CHRNA7: variants seen among roughly 807,000 people sequenced by gnomAD.
CHRNA7 encodes cholinergic receptor nicotinic alpha 7 subunit, also known as neuronal acetylcholine receptor subunit alpha-7.
In CHRNA7, 17 loss-of-function variants were observed where a neutral mutation model predicts 48.0. The observed-to-expected ratio is 0.35, with a 90% CI of 0.24 to 0.53. CHRNA7 has a LOEUF of 0.53. Among genes scored for constraint, CHRNA7 ranks in the 20% least tolerant of loss-of-function variants. The pLI, the probability that CHRNA7 is intolerant of heterozygous loss-of-function variation, is 0.92. For missense variants in CHRNA7, 155 were observed against 577.7 expected (o/e 0.27, Z 7.50); for synonymous variants, 75 against 242.3 (o/e 0.31, Z 6.41).
At chr15:32,107,313 A>G (rs2050686965) in intron 3 of CHRNA7, among the ~76,000 whole-genome samples, 6 of 152,110 alleles carry the variant, frequency 3.9e-5, no homozygotes, top group Admixed American at 3.9e-4. Flanking sequence ...CCACATGTCT[A>G]GCAGGTGACT....
At chr15:32,134,312 C>G (rs2051208387) in intron 4 of CHRNA7, among the ~76,000 whole-genome samples, 1 of 152,152 alleles carries the variant, frequency 6.6e-6, no homozygotes, top group Non-Finnish European at 1.5e-5. Flanking sequence ...GTGCCCACCA[C>G]CATTCCCGGC....
chr15:32,084,783 TGCCTGCACG>T (rs1472906155), intron 2 of CHRNA7, among the ~76,000 whole-genome samples: 1 of 151,240 alleles, frequency 6.6e-6, no homozygotes, highest in Non-Finnish European at 1.5e-5. Context: ...AGGCTGGCGC[TGCCTGCACG>T]GCCTGCACTC....
intron 2 of CHRNA7, chr15:32,101,099 A>G (rs1197624395): frequency 1.9e-6 from 1 of 535,880 alleles, no homozygotes; most frequent in Non-Finnish European, 3.2e-6. Context: ...TAAGTGCTGT[A>G]TAATAAATGT....
At position 32,101,439 on chromosome 15, in the gene CHRNA7, G is replaced by A. The variant is rs796490859; in HGVS notation, c.240+92G>A. On this transcript the variant is annotated intron_variant, in intron 3 of 9. Transcript: ENST00000306901. ...ATACCTGAGATGCTTGCTTCTGAGAGGTCCTGTTTAGGAAAAAAAACCAAA... is the reference window on the plus strand; with the variant it reads ...ATACCTGAGATGCTTGCTTCTGAGAAGTCCTGTTTAGGAAAAAAAACCAAA... 112 of 1,403,494 alleles carry A rather than the reference G, an allele frequency of 8.0e-5. No homozygotes were observed. The South Asian group carries it at 1.4e-3, about 18-fold the overall frequency. The allele number at this position is 1,403,494 out of a possible 1,614,324, so 86.9% of individuals were successfully genotyped here.
At chr15:32,070,426 C>G (rs534056096) in intron 2 of CHRNA7, among the ~76,000 whole-genome samples, 1 of 152,098 alleles carries the variant, frequency 6.6e-6, no homozygotes, top group South Asian at 2.1e-4. Context: ...AGAGTGGTTT[C>G]CAATACTCTT....
At chr15:32,060,864 C>T (rs1056777986) in intron 2 of CHRNA7, among the ~76,000 whole-genome samples, 183 of 152,240 alleles carry the variant, frequency 1.2e-3, no homozygotes, top group African/African-American at 4.3e-3. Flanking sequence ...CACTGAGGTG[C>T]GATGGCATTG....
Position 32,149,927 on chromosome 15 carries a change from T to C in CHRNA7, c.351-3980T>C, listed in dbSNP as rs1034969939. ...TCTAACAGATGCTCAGTCTTGATTA[T>C]AAATATGAAAATCAGACAGGAAGAA... is the stretch of plus-strand genomic sequence containing the variant. On this transcript the variant is annotated intron_variant, in intron 4 of 9. Coordinates refer to ENST00000306901, the MANE Select transcript of CHRNA7 (RefSeq NM_000746.6). The surrounding 1 kb of genome is among the most constrained non-coding windows in gnomAD (Gnocchi z 4.6). 2.0e-5 allele frequency among the ~76,000 whole-genome samples: 3 copies of C among 152,126 alleles called. No individual in the cohort carries two copies. Among genetic ancestry groups the C allele is most frequent in the Non-Finnish European group, 2.9e-5 (2 of 68,010 alleles).
intron 4 of CHRNA7, among the ~76,000 whole-genome samples, chr15:32,150,777 T>A (rs557231811): frequency 6.6e-6 from 1 of 152,292 alleles, no homozygotes; most frequent in African/African-American, 2.4e-5. Flanking sequence ...AAGATCATGA[T>A]ACTATCCAGA....
At chr15:32,143,861 A>G (rs2051432494) in intron 4 of CHRNA7, among the ~76,000 whole-genome samples, 1 of 151,576 alleles carries the variant, frequency 6.6e-6, no homozygotes, top group Non-Finnish European at 1.5e-5. Context: ...ATGGGTCTTG[A>G]CTCTTTATCC....
chr15:32,054,130 T>C (rs992908509), intron 2 of CHRNA7, among the ~76,000 whole-genome samples: 2 of 151,866 alleles, frequency 1.3e-5, no homozygotes, highest in Non-Finnish European at 2.9e-5. Flanking sequence ...GCTAACTCTT[T>C]AGTTGGTTTC....
intron 4 of CHRNA7, among the ~76,000 whole-genome samples, chr15:32,132,312 G>A (rs1044149352): frequency 3.9e-5 from 6 of 152,090 alleles, no homozygotes; most frequent in Admixed American, 1.3e-4. Context: ...TTTGGAATAG[G>A]TAAGATAAAT....
chr15:32,081,511 A>G (rs2050215000), intron 2 of CHRNA7, among the ~76,000 whole-genome samples: 1 of 152,090 alleles, frequency 6.6e-6, no homozygotes, highest in South Asian at 2.1e-4. Context: ...CTTTGTGTAT[A>G]TATAAATTAT....
intron 2 of CHRNA7, among the ~76,000 whole-genome samples, chr15:32,050,974 C>T (rs12440334): frequency 0.061 from 9,342 of 152,144 alleles, 356 homozygotes; most frequent in East Asian, 0.13. Context: ...TTTCATGATC[C>T]GCGAATGCTG....
intron 2 of CHRNA7, among the ~76,000 whole-genome samples, chr15:32,096,287 C>T (rs1446641769): frequency 6.6e-6 from 1 of 152,174 alleles, no homozygotes; most frequent in Non-Finnish European, 1.5e-5. Flanking sequence ...TTGATATCCT[C>T]TTGGTAAAGT....
chr15:32,045,623 C>G (rs990883351), intron 2 of CHRNA7, among the ~76,000 whole-genome samples: 19 of 151,718 alleles, frequency 1.3e-4, no homozygotes, highest in African/African-American at 4.4e-4. Context: ...TGCAACCTCT[C>G]TCTCCCGGGT....
At chr15:32,146,363 T>G (rs2051489286) in intron 4 of CHRNA7, among the ~76,000 whole-genome samples, 1 of 152,204 alleles carries the variant, frequency 6.6e-6, no homozygotes, top group African/African-American at 2.4e-5. Context: ...TAGAATAAAA[T>G]AAGAATATCA....
At chr15:32,115,413 T>C (rs2050851442) in intron 4 of CHRNA7, among the ~76,000 whole-genome samples, 1 of 152,072 alleles carries the variant, frequency 6.6e-6, no homozygotes, top group Non-Finnish European at 1.5e-5. Context: ...TCTTGTCATC[T>C]CTGCCCCCCC....
At chr15:32,156,418 C>T (rs1045478937) in intron 5 of CHRNA7, 1 of 53,042 alleles carries the variant, frequency 1.9e-5, no homozygotes, top group Admixed American at 1.9e-4. Flanking sequence ...GGGTGGGGTC[C>T]TTGTGTGCAA....
intron 3 of CHRNA7, chr15:32,111,168 G>A (rs17604861): frequency 0.033 from 5,020 of 152,372 alleles, 103 homozygotes; most frequent in Middle Eastern, 0.065. Context: ...AGGCCTGGCC[G>A]TGAGCTTGTG....
Sources: gnomAD v4.1 joint callset for allele counts (sites outside exome capture counted in the v4.1 genomes callset) on GRCh38, gnomAD v4.1.1 for gene constraint, Gnocchi (gnomAD v3.1) non-coding constraint, MANE v1.5 for transcripts, NCBI Gene and HGNC (gene_info 2026-07-23, HGNC 2026-07-21) for gene names.